The following GPC5 variants were observed in gnomAD, a reference collection of about 807,000 sequenced individuals.
GPC5 encodes glypican-5.
GPC5 carries 47 observed loss-of-function variants against 53.9 expected under a neutral mutation model. That is an observed-to-expected ratio of 0.87 (90% CI 0.69 to 1.11). The LOEUF (loss-of-function observed/expected upper bound fraction) is 1.11, where lower values mean the gene tolerates loss of function less well. GPC5 is among the 50% of genes most tolerant of loss of function. The pLI is 0.00. For missense variants in GPC5, 748 were observed against 713.1 expected, an observed-to-expected ratio of 1.05 and a Z score of -0.56; for synonymous variants, 286 against 263.3, an observed-to-expected ratio of 1.09 and a Z score of -0.84.
At chr13:92,556,955 C>T (rs1400630658) in intron 7 of GPC5, among the ~76,000 whole-genome samples, 1 of 151,752 alleles carries the variant, frequency 6.6e-6, no homozygotes, top group Non-Finnish European at 1.5e-5. Flanking sequence ...TTTCTCATTG[C>T]CAGCTCTAAA....
In GPC5 at chr13:92,703,327, A is replaced by G. The variant is rs1193780747; in HGVS notation, c.1562-162955A>G. On this transcript the variant is annotated intron_variant, in intron 7 of 7. Coordinates refer to ENST00000377067, the MANE Select transcript of GPC5 (RefSeq NM_004466.6). ...CTGGGCTAAGGAATAGGAGAGCTCA[A>G]TCTTTATCCTTAACTGTAGGAGATA... Among the ~76,000 whole-genome samples the G allele has an allele frequency of 4.6e-5, 7 of 151,640 alleles. No homozygotes were observed. The East Asian group carries it at 9.7e-4, about 21-fold the overall frequency.
At chr13:92,520,992 A>T (rs112137105) in intron 7 of GPC5, among the ~76,000 whole-genome samples, 9 of 152,224 alleles carry the variant, frequency 5.9e-5, no homozygotes, top group Admixed American at 5.9e-4. Context: ...AATAACAAAC[A>T]GAGAGCCAAA....
intron 3 of GPC5, among the ~76,000 whole-genome samples, chr13:91,716,310 A>G (rs1290225033): frequency 6.6e-6 from 1 of 152,214 alleles, no homozygotes; most frequent in Non-Finnish European, 1.5e-5. Context: ...TACACTTACA[A>G]ACATCATAAA....
Position 92,290,202 on chromosome 13 carries a change from C to T in GPC5, c.1561+145213C>T, listed in dbSNP as rs148694602. ...TTCAACAAAATCAAATCTACAGATA[C>T]GTAGTTGGTAATTGATTATGCAACA... On this transcript the variant is annotated intron_variant, in intron 7 of 7. Transcript: ENST00000377067. 9.3e-4 allele frequency among the ~76,000 whole-genome samples: 141 copies of T among 152,222 alleles called. 1 individual carries two copies. Among genetic ancestry groups the T allele is most frequent in the Non-Finnish European group, 1.4e-3 (97 of 68,016 alleles).
chr13:92,215,671 T>G (rs2042404438), intron 7 of GPC5, among the ~76,000 whole-genome samples: 1 of 152,206 alleles, frequency 6.6e-6, no homozygotes, highest in Non-Finnish European at 1.5e-5. Flanking sequence ...TTCTGAAGCC[T>G]TCACCTAGGG....
intron 7 of GPC5, among the ~76,000 whole-genome samples, chr13:92,440,937 T>C (rs1877528086): frequency 6.6e-6 from 1 of 152,210 alleles, no homozygotes; most frequent in South Asian, 2.1e-4. Flanking sequence ...AGGCTCCTTA[T>C]AGATTCTGGA....
chr13:91,415,125 G>A (rs1442537786), intron 1 of GPC5, among the ~76,000 whole-genome samples: 1 of 152,114 alleles, frequency 6.6e-6, no homozygotes, highest in African/African-American at 2.4e-5. Context: ...TTTTGACTGG[G>A]CATGCTAACA....
chr13:92,478,937 G>T (rs1211871630), intron 7 of GPC5, among the ~76,000 whole-genome samples: 1 of 152,116 alleles, frequency 6.6e-6, no homozygotes, highest in African/African-American at 2.4e-5. Context: ...TATCTACTCT[G>T]CCTCTGACTA....
intron 2 of GPC5, among the ~76,000 whole-genome samples, chr13:91,451,712 G>T (rs990365330): frequency 1.3e-5 from 2 of 151,924 alleles, no homozygotes; most frequent in Non-Finnish European, 2.9e-5. Context: ...CTGCCTCCCA[G>T]GTTGAAGTGA....
intron 1 of GPC5, among the ~76,000 whole-genome samples, chr13:91,415,187 G>A (rs1245633064): frequency 2.0e-5 from 3 of 152,092 alleles, no homozygotes; most frequent in African/African-American, 4.8e-5. Flanking sequence ...TGTTGTGTTT[G>A]CAGTGAGCAA....
intron 1 of GPC5, among the ~76,000 whole-genome samples, chr13:91,410,130 T>G (rs1348099034): frequency 6.6e-6 from 1 of 152,220 alleles, no homozygotes; most frequent in Non-Finnish European, 1.5e-5. Context: ...TCTCAGAAAG[T>G]ATTTCTCTTT....
At chr13:92,483,453 A>C (rs1879431547) in intron 7 of GPC5, among the ~76,000 whole-genome samples, 1 of 152,178 alleles carries the variant, frequency 6.6e-6, no homozygotes, top group Non-Finnish European at 1.5e-5. Flanking sequence ...TAAAAGATAA[A>C]AAATAGTACA....
intron 2 of GPC5, among the ~76,000 whole-genome samples, chr13:91,680,654 G>T (rs537078054): frequency 6.6e-6 from 1 of 152,156 alleles, no homozygotes; most frequent in East Asian, 1.9e-4. Context: ...ATGTTTTGGT[G>T]TAATATCAAA....
At chr13:92,321,793 T>C (rs74685588) in intron 7 of GPC5, among the ~76,000 whole-genome samples, 2 of 152,326 alleles carry the variant, frequency 1.3e-5, no homozygotes, top group East Asian at 3.9e-4. Context: ...ACATGTTCAT[T>C]GCATTTATTT....
At chr13:92,406,141 G>A (rs1252792161) in intron 7 of GPC5, among the ~76,000 whole-genome samples, 1 of 152,042 alleles carries the variant, frequency 6.6e-6, no homozygotes. Flanking sequence ...TCCCAAATGG[G>A]AACTAACGAC....
intron 2 of GPC5, among the ~76,000 whole-genome samples, chr13:91,465,628 T>C (rs1326014360): frequency 6.6e-6 from 1 of 152,228 alleles, no homozygotes. Context: ...AGCTCTGGGC[T>C]AATTCCATTT....
chr13:91,660,358 C>T (rs1050292307), intron 2 of GPC5, among the ~76,000 whole-genome samples: 1 of 152,056 alleles, frequency 6.6e-6, no homozygotes, highest in East Asian at 1.9e-4. Flanking sequence ...TTATGAGGCA[C>T]CCTGTGGAGT....
At chr13:91,523,161 G>A (rs2139374457) in intron 2 of GPC5, among the ~76,000 whole-genome samples, 1 of 152,234 alleles carries the variant, frequency 6.6e-6, no homozygotes, top group East Asian at 1.9e-4. Flanking sequence ...AATTGGTATG[G>A]TCATTTTGGA....
intron 5 of GPC5, among the ~76,000 whole-genome samples, chr13:91,758,712 T>C (rs1302361044): frequency 6.6e-6 from 1 of 152,172 alleles, no homozygotes; most frequent in Non-Finnish European, 1.5e-5. Flanking sequence ...GTGTGATTCT[T>C]AGTATTCCCA....
Sources: allele counts gnomAD v4.1 joint callset (sites outside exome capture counted in the v4.1 genomes callset), GRCh38; gene constraint gnomAD v4.1.1; transcripts MANE v1.5; gene names NCBI Gene and HGNC (gene_info 2026-07-23, HGNC 2026-07-21).